The following VDAC1 variants were observed in gnomAD, a reference collection of about 807,000 sequenced individuals.
The protein encoded by VDAC1 is voltage dependent anion channel 1.
Under a neutral mutation model 34.7 loss-of-function variants are expected in VDAC1, and 10 were observed. The observed-to-expected ratio is 0.29, with a 90% CI of 0.18 to 0.49. VDAC1 has a LOEUF of 0.49. Among genes scored for constraint, VDAC1 ranks in the 20% least tolerant of loss-of-function variants. VDAC1 has a pLI of 0.99. For synonymous variants in VDAC1, 130 were observed against 136.0 expected (o/e 0.96, Z 0.30); for missense variants, 230 against 347.9 (o/e 0.66, Z 2.69).
the VDAC1 span, among the ~76,000 whole-genome samples, chr5:134,102,224 TGA>T: frequency 6.6e-6 from 1 of 151,936 alleles, no homozygotes; most frequent in Non-Finnish European, 1.5e-5. Flanking sequence ...TCGCCTGGGC[TGA>T]GAGGGGAGGA....
the VDAC1 span, among the ~76,000 whole-genome samples, chr5:134,092,742 G>C: frequency 6.6e-6 from 1 of 151,702 alleles, no homozygotes; most frequent in African/African-American, 2.4e-5. Flanking sequence ...TGGAACCACT[G>C]GTGTCAGATT....
chr5:134,030,363 G>A, the VDAC1 span, among the ~76,000 whole-genome samples: 2 of 152,014 alleles, frequency 1.3e-5, no homozygotes, highest in East Asian at 3.9e-4. Flanking sequence ...AGAAAAAAAT[G>A]TTAATATGAA....
chr5:134,038,171 A>G, the VDAC1 span, among the ~76,000 whole-genome samples: 1 of 152,332 alleles, frequency 6.6e-6, no homozygotes, highest in East Asian at 1.9e-4. Context: ...AGTACAATGG[A>G]GAATACAAAA....
At chr5:134,085,755 T>G in the VDAC1 span, among the ~76,000 whole-genome samples, 3 of 51,268 alleles carry the variant, frequency 5.9e-5, no homozygotes, top group Non-Finnish European at 1.4e-4. Context: ...AAAAAAAAAT[T>G]TCATTAGCTG....
chr5:133,981,719 A>ATTACCATGT (rs1169045876), intron 5 of VDAC1, among the ~76,000 whole-genome samples: 1 of 152,214 alleles, frequency 6.6e-6, no homozygotes, highest in Non-Finnish European at 1.5e-5. Flanking sequence ...CAGACCTATT[A>ATTACCATGT]TTACCATGTC....
the VDAC1 span, among the ~76,000 whole-genome samples, chr5:134,031,864 T>C: frequency 6.7e-6 from 1 of 149,102 alleles, no homozygotes; most frequent in African/African-American, 2.5e-5. Context: ...GGCAGGAGAA[T>C]CGCTTGAACC....
the VDAC1 span, among the ~76,000 whole-genome samples, chr5:134,013,749 C>A: frequency 6.6e-6 from 1 of 151,918 alleles, no homozygotes; most frequent in Non-Finnish European, 1.5e-5. Flanking sequence ...TCAAGACCAT[C>A]CTGGCCAACA....
chr5:133,984,158 T>A (rs1479476337), intron 5 of VDAC1, among the ~76,000 whole-genome samples: 1 of 152,064 alleles, frequency 6.6e-6, no homozygotes, highest in Non-Finnish European at 1.5e-5. Context: ...TGAGCTCAGG[T>A]GATCCTCCCA....
the VDAC1 span, among the ~76,000 whole-genome samples, chr5:134,103,020 C>T: frequency 6.6e-6 from 1 of 152,182 alleles, no homozygotes; most frequent in African/African-American, 2.4e-5. Context: ...CCCGCAGGAG[C>T]CCTCACTGTC....
chr5:134,110,568 C>T, the VDAC1 span, among the ~76,000 whole-genome samples: 1 of 152,260 alleles, frequency 6.6e-6, no homozygotes, highest in Admixed American at 6.5e-5. Flanking sequence ...CACAGTCTAC[C>T]TCTAGGACCT....
At chr5:134,071,631 T>C in the VDAC1 span, among the ~76,000 whole-genome samples, 1 of 152,218 alleles carries the variant, frequency 6.6e-6, no homozygotes, top group South Asian at 2.1e-4. This position sits in a 1 kb window ranked among gnomAD's most constrained non-coding sequence, Gnocchi z 4.1. Flanking sequence ...CTTTCGTTTT[T>C]TGGGTGAGGG....
chr5:133,997,541 TA>T (rs942105513), intron 1 of VDAC1, among the ~76,000 whole-genome samples: 15 of 136,106 alleles, frequency 1.1e-4, no homozygotes, highest in African/African-American at 1.9e-4. Context: ...CTACTAAAAA[TA>T]AAAAAAAAAT....
the VDAC1 span, among the ~76,000 whole-genome samples, chr5:134,108,021 G>C: frequency 6.6e-6 from 1 of 152,166 alleles, no homozygotes; most frequent in Non-Finnish European, 1.5e-5. Context: ...CTCACTCACA[G>C]GAAACAGAGG....
intron 5 of VDAC1, among the ~76,000 whole-genome samples, chr5:133,988,374 G>T (rs1016784962): frequency 6.6e-6 from 1 of 151,774 alleles, no homozygotes; most frequent in East Asian, 1.9e-4. Context: ...ATCACCCAAG[G>T]TCAGGAGTTC....
chr5:134,096,576 T>C, the VDAC1 span, among the ~76,000 whole-genome samples: 3,293 of 150,922 alleles, frequency 0.022, 113 homozygotes, highest in African/African-American at 0.076. Context: ...TTTCTATGCT[T>C]ATCTATATTT....
chr5:133,974,068 T>A (rs916897059), intron 7 of VDAC1, among the ~76,000 whole-genome samples: 2 of 152,184 alleles, frequency 1.3e-5, no homozygotes, highest in Admixed American at 6.5e-5. Context: ...ACACCCCTCA[T>A]AAGAACAAAG....
chr5:134,031,038 A>G, the VDAC1 span, among the ~76,000 whole-genome samples: 1 of 152,186 alleles, frequency 6.6e-6, no homozygotes, highest in African/African-American at 2.4e-5. Flanking sequence ...TTCCATTACC[A>G]TCACTTGCCA....
chr5:133,974,619 C>T (rs1276987648), intron 7 of VDAC1, among the ~76,000 whole-genome samples: 1 of 152,228 alleles, frequency 6.6e-6, no homozygotes, highest in African/African-American at 2.4e-5. Context: ...TACCTTTGAG[C>T]AAGTTACTCA....
At chr5:134,018,020 C>G in the VDAC1 span, among the ~76,000 whole-genome samples, 3 of 152,352 alleles carry the variant, frequency 2.0e-5, no homozygotes, top group African/African-American at 7.2e-5. Context: ...AGGTTGCACA[C>G]TGTGTTAGTC....
Sources: allele counts gnomAD v4.1 joint callset (sites outside exome capture counted in the v4.1 genomes callset), GRCh38; gene constraint gnomAD v4.1.1; non-coding constraint Gnocchi (gnomAD v3.1); transcripts MANE v1.5; gene names NCBI Gene and HGNC (gene_info 2026-07-23, HGNC 2026-07-21).